The following MALRD1 variants were observed in gnomAD, a reference collection of about 807,000 sequenced individuals.
The protein encoded by MALRD1 is MAM and LDL-receptor class A domain-containing protein 1.
Under a neutral mutation model 242.1 loss-of-function variants are expected in MALRD1, and 247 were observed. That is an observed-to-expected ratio of 1.02 (90% CI 0.92 to 1.13). The LOEUF (loss-of-function observed/expected upper bound fraction) is 1.13, where lower values mean the gene tolerates loss of function less well. MALRD1 is among the 50% of genes most tolerant of loss of function. The probability of loss-of-function intolerance (pLI) is 0.00; values close to 1 mark genes in which losing one functional copy is unlikely to be tolerated. For missense variants in MALRD1, 2,989 were observed against 2,533.1 expected, an observed-to-expected ratio of 1.18 and a Z score of -3.86; for synonymous variants, 995 against 866.6, an observed-to-expected ratio of 1.15 and a Z score of -2.60.
intron 33 of MALRD1, among the ~76,000 whole-genome samples, chr10:19,592,724 T>C (rs1837865354): frequency 1.5e-5 from 2 of 132,594 alleles, no homozygotes; most frequent in African/African-American, 6.2e-5. Flanking sequence ...AGGAAAAATA[T>C]AAAGACACAC....
At chr10:19,300,286 A>G (rs1841886522) in intron 21 of MALRD1, among the ~76,000 whole-genome samples, 1 of 151,996 alleles carries the variant, frequency 6.6e-6, no homozygotes, top group Non-Finnish European at 1.5e-5. Flanking sequence ...AAATGGCTAT[A>G]CTGCCCAAAG....
intron 4 of MALRD1, 144 bp downstream of exon 4, chr10:19,088,329 A>T: frequency 1.4e-6 from 1 of 696,622 alleles, no homozygotes. Context: ...CTGAAAGTGG[A>T]CATCTCAGGC....
In MALRD1 at chr10:19,347,912, A is replaced by G. The variant is rs539538477; in HGVS notation, c.4043A>G (p.Asn1348Ser). ...CCAGCAGCAGATCACACTTTGGGAA[A>G]TTCATCTGGTCATTACATCTTTATA... ...TEPAADHTLG[N>S]SSGHYIFIKS... The change falls in exon 25 of 40, where the codon AAT (asparagine) becomes AGT (serine). Residue 1348 changes from asparagine to serine, a missense_variant. By Grantham distance (46) the Asn-to-Ser change is conservative. Coordinates refer to ENST00000454679, the MANE Select transcript of MALRD1 (RefSeq NM_001142308.3). The G allele has an allele frequency of 1.9e-6, 3 of 1,550,332 alleles. No individual in the cohort carries two copies. The African/African-American group carries it at 4.1e-5, about 21-fold the overall frequency.
In MALRD1 at chr10:19,225,307, T is replaced by C. The variant is rs183306695; in HGVS notation, c.2991+15627T>C. The stretch of plus-strand genomic sequence containing the variant: ...GGAGATAATGGAGATAAAGAAAAGT[T>C]CTGAAAATGACACTTCCCATAGTGT... On this transcript the variant is annotated intron_variant, in intron 18 of 39. Coordinates refer to ENST00000454679, the MANE Select transcript of MALRD1 (RefSeq NM_001142308.3). Among the ~76,000 whole-genome samples, 21 of 152,270 alleles carry C rather than the reference T, an allele frequency of 1.4e-4. No homozygotes were observed. In the East Asian group the frequency reaches 3.9e-3, roughly 28 times the overall value.
At chr10:19,350,271 CTTT>C (rs202204577) in intron 25 of MALRD1, among the ~76,000 whole-genome samples, 2 of 118,482 alleles carry the variant, frequency 1.7e-5, no homozygotes, top group Non-Finnish European at 1.7e-5. Context: ...TTCTTTTTTT[CTTT>C]TTTTTTTTTT....
At chr10:19,404,495 G>A (rs1847004040) in intron 28 of MALRD1, among the ~76,000 whole-genome samples, 1 of 151,956 alleles carries the variant, frequency 6.6e-6, no homozygotes, top group Non-Finnish European at 1.5e-5. Context: ...TTATTTTCCT[G>A]TAAACTTCCA....
At chr10:19,563,259 A>T (rs1366478282) in intron 32 of MALRD1, among the ~76,000 whole-genome samples, 1 of 152,204 alleles carries the variant, frequency 6.6e-6, no homozygotes, top group East Asian at 1.9e-4. Context: ...TATCAGTAGC[A>T]TTGTTGTTAT....
At chr10:19,072,750 A>G (rs1047824533) in intron 2 of MALRD1, among the ~76,000 whole-genome samples, 9 of 152,112 alleles carry the variant, frequency 5.9e-5, no homozygotes, top group Non-Finnish European at 1.0e-4. Context: ...TTATTATGCT[A>G]TTATTTAAAC....
At chr10:19,622,602 G>A (rs1297348130) in intron 36 of MALRD1, among the ~76,000 whole-genome samples, 4 of 150,876 alleles carry the variant, frequency 2.7e-5, no homozygotes, top group Admixed American at 6.6e-5. Context: ...ATTAGATATT[G>A]CATTCGTATG....
At chr10:19,723,678 G>T (rs1330548468) in intron 38 of MALRD1, among the ~76,000 whole-genome samples, 1 of 151,296 alleles carries the variant, frequency 6.6e-6, no homozygotes, top group East Asian at 1.9e-4. Flanking sequence ...GGAGTTCAAG[G>T]CTGCAGTGAG....
intron 5 of MALRD1, among the ~76,000 whole-genome samples, chr10:19,113,578 T>C (rs1201963791): frequency 6.6e-6 from 1 of 151,618 alleles, no homozygotes. Context: ...CTCCCTTGCC[T>C]TCTTCCTCTC....
In MALRD1 at chr10:19,557,455, T is replaced by C. The variant is rs568452281; in HGVS notation, c.5479-10047T>C. On this transcript the variant is annotated intron_variant, in intron 32 of 39. Transcript: ENST00000454679. Reference sequence around the variant, plus strand: ...TTCAATGAATAATTTTGAGTTAATTTTGGTAACACATGTATACTCTGTGTC... The same window carrying C: ...TTCAATGAATAATTTTGAGTTAATTCTGGTAACACATGTATACTCTGTGTC... Among the ~76,000 whole-genome samples the C allele has an allele frequency of 2.6e-5, 4 of 152,256 alleles. No homozygotes were observed. The East Asian group carries it at 7.7e-4, about 29-fold the overall frequency.
intron 14 of MALRD1, among the ~76,000 whole-genome samples, chr10:19,178,525 G>A (rs1160965307): frequency 6.6e-6 from 1 of 152,144 alleles, no homozygotes; most frequent in East Asian, 1.9e-4. Flanking sequence ...CATACAAATG[G>A]CTGCACCACT....
In MALRD1 at chr10:19,645,221, A is replaced by G. The variant is rs563176775; in HGVS notation, c.6137+29298A>G. On this transcript the variant is annotated intron_variant, in intron 36 of 39. Coordinates refer to ENST00000454679, the MANE Select transcript of MALRD1 (RefSeq NM_001142308.3). The stretch of plus-strand genomic sequence containing the variant: ...TTAGAATGGCGATCATTAAAAAGTC[A>G]GGAACAACAGGTGCTGGAGAGGATG... Among the ~76,000 whole-genome samples, 13 of 152,292 alleles carry G rather than the reference A, an allele frequency of 8.5e-5. No homozygotes were observed. The East Asian group carries it at 2.5e-3, about 29-fold the overall frequency.
chr10:19,075,345 G>T (rs1005659378), intron 2 of MALRD1, among the ~76,000 whole-genome samples: 1 of 151,978 alleles, frequency 6.6e-6, no homozygotes, highest in Admixed American at 6.6e-5. Flanking sequence ...CTTCAAAATC[G>T]CAAGATTATC....
At chr10:19,668,270 C>T (rs1054053416) in intron 36 of MALRD1, among the ~76,000 whole-genome samples, 2 of 152,276 alleles carry the variant, frequency 1.3e-5, no homozygotes, top group Non-Finnish European at 2.9e-5. Context: ...CCATGCCAAA[C>T]TCCCACTGTC....
At chr10:19,690,834 C>T (rs1842787906) in intron 36 of MALRD1, among the ~76,000 whole-genome samples, 1 of 151,968 alleles carries the variant, frequency 6.6e-6, no homozygotes, top group Admixed American at 6.6e-5. Flanking sequence ...GATAGACAGA[C>T]AGACAGCATT....
intron 29 of MALRD1, among the ~76,000 whole-genome samples, chr10:19,461,751 A>G (rs1435031477): frequency 6.6e-6 from 1 of 152,058 alleles, no homozygotes; most frequent in Admixed American, 6.6e-5. Flanking sequence ...AGCCGAGGCA[A>G]GAAGATCACT....
At chr10:19,105,259 TGTG>T (rs1480312375) in intron 5 of MALRD1, among the ~76,000 whole-genome samples, 3 of 152,082 alleles carry the variant, frequency 2.0e-5, no homozygotes, top group African/African-American at 7.2e-5. Flanking sequence ...AGTAAGATAA[TGTG>T]GTATTTGTTT....
Sources: allele counts gnomAD v4.1 joint callset (sites outside exome capture counted in the v4.1 genomes callset), GRCh38; gene constraint gnomAD v4.1.1; transcripts MANE v1.5; gene names NCBI Gene and HGNC (gene_info 2026-07-23, HGNC 2026-07-21).